QRICH1: variants seen among roughly 807,000 people sequenced by gnomAD.
The protein encoded by QRICH1 is glutamine rich 1, also known as transcriptional regulator QRICH1.
QRICH1 carries 16 observed loss-of-function variants against 87.1 expected under a neutral mutation model. The ratio of observed to expected loss-of-function variants is 0.18; its 90% CI spans 0.12 to 0.28. QRICH1 has a LOEUF of 0.28. QRICH1 is among the 10% of genes least tolerant of loss of function. The pLI is 1.00. For missense variants in QRICH1, 647 were observed against 951.7 expected, an observed-to-expected ratio of 0.68 and a Z score of 4.21; for synonymous variants, 367 against 368.4, an observed-to-expected ratio of 1.00 and a Z score of 0.05.
intron 1 of QRICH1, among the ~76,000 whole-genome samples, chr3:49,083,769 A>G (rs1393585524): frequency 6.0e-5 from 9 of 149,286 alleles, no homozygotes; most frequent in Admixed American, 3.3e-4. Context: ...CTCCATCTCA[A>G]AAAAAAAAAA....
At chr3:49,062,734 G>A (rs1205480096) in intron 2 of QRICH1, among the ~76,000 whole-genome samples, 2 of 151,628 alleles carry the variant, frequency 1.3e-5, no homozygotes, top group Non-Finnish European at 2.9e-5. Flanking sequence ...AAGGCCGGGC[G>A]CTGTGGCTCA....
At chr3:49,051,921 A>G (rs1222105949) in intron 3 of QRICH1, among the ~76,000 whole-genome samples, 1 of 152,192 alleles carries the variant, frequency 6.6e-6, no homozygotes, top group Non-Finnish European at 1.5e-5. Context: ...AATGTCTATC[A>G]GTGGGTGGAG....
chr3:49,063,661 C>T (rs1392080498), intron 2 of QRICH1, among the ~76,000 whole-genome samples: 1 of 152,152 alleles, frequency 6.6e-6, no homozygotes, highest in Non-Finnish European at 1.5e-5. Flanking sequence ...CGTGGACACA[C>T]ACCTGTAGTC....
intron 8 of QRICH1, 116 bp from the exon 9 acceptor site, chr3:49,032,389 A>C: frequency 1.3e-6 from 1 of 761,766 alleles, no homozygotes; most frequent in Middle Eastern, 2.4e-4. Context: ...GGGTCGGGGG[A>C]GGGAAGGTAT....
At chr3:49,049,723 C>G (rs1211456006) in intron 3 of QRICH1, among the ~76,000 whole-genome samples, 1 of 151,180 alleles carries the variant, frequency 6.6e-6, no homozygotes, top group African/African-American at 2.4e-5. Context: ...GTCTCAAACT[C>G]CCGACCTCAG....
Position 49,033,105 on chromosome 3 carries a change from C to A in QRICH1, c.1895+15G>T. The A allele has an allele frequency of 6.7e-7, 1 of 1,493,760 alleles. No individual in the cohort carries two copies. The highest frequency in any genetic ancestry group is 9.0e-7 in the Non-Finnish European group (1 of 1,111,228). The allele number at this position is 1,493,760 out of a possible 1,614,324, so 92.5% of individuals were successfully genotyped here. Reference sequence around the variant, plus strand: ...ACTGGACAGATGCCAGCAGTGGAGCCTCTAGAACACTTACTTGGTATTAAA... The same window carrying A: ...ACTGGACAGATGCCAGCAGTGGAGCATCTAGAACACTTACTTGGTATTAAA... On this transcript the variant is annotated intron_variant, in intron 7 of 9. Transcript: ENST00000395443.
chr3:49,092,581 G>C (rs1205266666), intron 1 of QRICH1: 2 of 152,026 alleles, frequency 1.3e-5, no homozygotes, highest in Non-Finnish European at 2.9e-5. Flanking sequence ...CAAATTTGAT[G>C]GCTAATTTTA....
chr3:49,071,964 T>C (rs897759345), intron 2 of QRICH1, among the ~76,000 whole-genome samples: 1 of 152,184 alleles, frequency 6.6e-6, no homozygotes, highest in Non-Finnish European at 1.5e-5. Flanking sequence ...AGTGCTGGGA[T>C]TACAGGTGTG....
chr3:49,088,884 A>G (rs539534902), intron 1 of QRICH1, among the ~76,000 whole-genome samples: 1 of 151,896 alleles, frequency 6.6e-6, no homozygotes, highest in African/African-American at 2.4e-5. Context: ...TTGGCCTCCC[A>G]AACTGCTGGG....
In QRICH1 at chr3:49,043,793, A is replaced by G. The variant is rs1472306250; in HGVS notation, c.1786+597T>C. ...GGCTGCAGTGAGCCAAGATCGTGCC[A>G]CTGCACTCCACCCTGGGCTATAGAG... On this transcript the variant is annotated intron_variant, in intron 6 of 9. Coordinates refer to ENST00000395443, the MANE Select transcript of QRICH1 (RefSeq NM_198880.3). Among the ~76,000 whole-genome samples the G allele has an allele frequency of 3.3e-5, 5 of 152,172 alleles. No individual in the cohort carries two copies. In the East Asian group the frequency reaches 9.6e-4, roughly 29 times the overall value.
At chr3:49,032,395 G>T (rs530854082) in intron 8 of QRICH1, 122 bp from the exon 9 acceptor site, 23 of 847,342 alleles carry the variant, frequency 2.7e-5, no homozygotes, top group Admixed American at 6.8e-5. Context: ...GGGGAGGGAA[G>T]GTATGAGGCA....
intron 2 of QRICH1, among the ~76,000 whole-genome samples, chr3:49,059,453 C>T (rs2093422393): frequency 6.7e-6 from 1 of 148,364 alleles, no homozygotes; most frequent in East Asian, 2.0e-4. Flanking sequence ...GACAGAGTCT[C>T]GCTGTTACCA....
At chr3:49,092,911 G>A (rs936126125) in intron 1 of QRICH1, among the ~76,000 whole-genome samples, 3 of 152,166 alleles carry the variant, frequency 2.0e-5, no homozygotes, top group Admixed American at 6.5e-5. Context: ...GGCAAAGGTG[G>A]GCCTTTAATA....
intron 4 of QRICH1, 83 bp downstream of exon 4, chr3:49,046,986 C>T: frequency 6.8e-7 from 1 of 1,479,682 alleles, no homozygotes; most frequent in Non-Finnish European, 9.2e-7. Flanking sequence ...ACAGGAGACA[C>T]CACTTTTCTG....
intron 6 of QRICH1, among the ~76,000 whole-genome samples, chr3:49,038,112 A>C (rs1233280757): frequency 6.6e-6 from 1 of 151,708 alleles, no homozygotes; most frequent in Non-Finnish European, 1.5e-5. Context: ...CCCAGGCTAG[A>C]GGGCAGTGGC....
intron 1 of QRICH1, among the ~76,000 whole-genome samples, chr3:49,085,985 T>A (rs932487368): frequency 2.0e-5 from 3 of 151,978 alleles, no homozygotes; most frequent in Admixed American, 6.6e-5. Context: ...CTGAAAAACA[T>A]GCAGCCATGA....
chr3:49,060,871 C>A (rs899381356), intron 2 of QRICH1, among the ~76,000 whole-genome samples: 1 of 151,876 alleles, frequency 6.6e-6, no homozygotes, highest in Non-Finnish European at 1.5e-5. Context: ...TGGCTCACAC[C>A]TGTAATCCCA....
chr3:49,047,484 T>G (rs1287847192), intron 3 of QRICH1, among the ~76,000 whole-genome samples: 1 of 149,448 alleles, frequency 6.7e-6, no homozygotes, highest in Non-Finnish European at 1.5e-5. Flanking sequence ...TAAATGTTTT[T>G]TTTTTTTTTT....
intron 9 of QRICH1, among the ~76,000 whole-genome samples, chr3:49,031,731 ACAG>A (rs2093241537): frequency 1.3e-5 from 2 of 152,222 alleles, no homozygotes; most frequent in Non-Finnish European, 2.9e-5. Context: ...TAAGAGCTCC[ACAG>A]ACATGAGGTT....
Sources: gnomAD v4.1 joint callset for allele counts (sites outside exome capture counted in the v4.1 genomes callset) on GRCh38, gnomAD v4.1.1 for gene constraint, MANE v1.5 for transcripts, NCBI Gene and HGNC (gene_info 2026-07-23, HGNC 2026-07-21) for gene names.